Variants in KCND2 observed in about 807,000 individuals in gnomAD.
KCND2 encodes potassium voltage-gated channel subfamily D member 2.
In KCND2, 16 loss-of-function variants were observed where a neutral mutation model predicts 54.4. The ratio of observed to expected loss-of-function variants is 0.29; its 90% CI spans 0.20 to 0.45. The LOEUF (loss-of-function observed/expected upper bound fraction) is 0.45, where lower values mean the gene tolerates loss of function less well. Ranked by LOEUF, KCND2 falls within the 20% of genes least tolerant of loss-of-function variation. The pLI, the probability that KCND2 is intolerant of heterozygous loss-of-function variation, is 1.00. For missense variants in KCND2, 486 were observed against 824.2 expected (o/e 0.59, Z 5.02); for synonymous variants, 317 against 310.7 (o/e 1.02, Z -0.21).
intron 1 of KCND2, among the ~76,000 whole-genome samples, chr7:120,484,701 GCACACACACA>G (rs3067134): frequency 8.7e-5 from 12 of 137,632 alleles, no homozygotes; most frequent in East Asian, 6.2e-4. Context: ...TATATTACAC[GCACACACACA>G]CACACACACA....
At chr7:120,491,195 C>T (rs192941473) in intron 1 of KCND2, among the ~76,000 whole-genome samples, 2 of 152,164 alleles carry the variant, frequency 1.3e-5, no homozygotes. Flanking sequence ...GTATTACATA[C>T]CAAGTGTTGG....
intron 1 of KCND2, among the ~76,000 whole-genome samples, chr7:120,690,360 A>C (rs1792253740): frequency 1.3e-5 from 2 of 152,218 alleles, no homozygotes; most frequent in African/African-American, 2.4e-5. Context: ...TCTTATAAAG[A>C]AAGAAAATCC....
intron 1 of KCND2, among the ~76,000 whole-genome samples, chr7:120,619,739 G>A (rs1384614313): frequency 6.6e-6 from 1 of 152,178 alleles, no homozygotes; most frequent in African/African-American, 2.4e-5. Flanking sequence ...CAACGGAAAT[G>A]AAACAACCAG....
At chr7:120,295,127 C>T (rs1799489729) in intron 1 of KCND2, among the ~76,000 whole-genome samples, 1 of 151,522 alleles carries the variant, frequency 6.6e-6, no homozygotes, top group Admixed American at 6.6e-5. Context: ...CGTATTGATG[C>T]CAGGGAAGCA....
intron 1 of KCND2, among the ~76,000 whole-genome samples, chr7:120,548,295 ATACAGGAAGATAGTCT>A (rs1792066786): frequency 6.6e-6 from 1 of 152,124 alleles, no homozygotes. Flanking sequence ...AAGAGAAGAA[ATACAGGAAGATAGTCT>A]TATTTCTGAC....
At chr7:120,690,321 T>A (rs1792253402) in intron 1 of KCND2, among the ~76,000 whole-genome samples, 2 of 152,202 alleles carry the variant, frequency 1.3e-5, no homozygotes, top group Admixed American at 1.3e-4. Context: ...TACACAAAAA[T>A]ATAGTTCTAT....
At chr7:120,385,265 T>A (rs1800972396) in intron 1 of KCND2, among the ~76,000 whole-genome samples, 1 of 151,928 alleles carries the variant, frequency 6.6e-6, no homozygotes, top group Non-Finnish European at 1.5e-5. Context: ...AGTGCTGGGA[T>A]TACAGACATG....
chr7:120,394,857 C>T (rs111554179), intron 1 of KCND2, among the ~76,000 whole-genome samples: 145 of 151,984 alleles, frequency 9.5e-4, no homozygotes, highest in African/African-American at 3.3e-3. Context: ...CTTAAACCAC[C>T]TAAATCAAGT....
intron 1 of KCND2, among the ~76,000 whole-genome samples, chr7:120,329,120 CTTT>C (rs542875258): frequency 8.3e-5 from 11 of 132,470 alleles, no homozygotes; most frequent in Admixed American, 1.5e-4. Context: ...CTAGCTTAGT[CTTT>C]TTTTTTTTTT....
intron 1 of KCND2, among the ~76,000 whole-genome samples, chr7:120,439,963 A>G (rs1801924992): frequency 6.6e-6 from 1 of 152,102 alleles, no homozygotes; most frequent in Non-Finnish European, 1.5e-5. Context: ...TGAACATGAC[A>G]GTGCAGATAT....
intron 1 of KCND2, among the ~76,000 whole-genome samples, chr7:120,396,537 C>T (rs1434684089): frequency 6.6e-6 from 1 of 151,818 alleles, no homozygotes; most frequent in Non-Finnish European, 1.5e-5. Context: ...TTGAATTTTT[C>T]ACTGGGTTTA....
intron 1 of KCND2, among the ~76,000 whole-genome samples, chr7:120,656,462 T>C (rs1395546219): frequency 1.3e-5 from 2 of 152,182 alleles, no homozygotes; most frequent in Non-Finnish European, 2.9e-5. Flanking sequence ...AATGTCTAAA[T>C]TGGAAATGGT....
In KCND2 at chr7:120,607,156, CA is replaced by C. The variant is rs145843283; in HGVS notation, c.1116-125746del. On this transcript the variant is annotated intron_variant, in intron 1 of 5. Coordinates refer to ENST00000331113, the MANE Select transcript of KCND2 (RefSeq NM_012281.3). ...ATGAGAACAGGTAAAGTTAAAACAC[CA>C]GAAAGCTAATTTTTCTTATGCAGAT... 6.2e-3 allele frequency among the ~76,000 whole-genome samples: 931 copies of C among 150,390 alleles called. 10 individuals are homozygous for C. The highest frequency in any genetic ancestry group is 0.021 in the African/African-American group (862 of 40,938).
chr7:120,384,046 A>T (rs1022071812), intron 1 of KCND2, among the ~76,000 whole-genome samples: 1 of 152,102 alleles, frequency 6.6e-6, no homozygotes, highest in African/African-American at 2.4e-5. Context: ...CAGGTCCCTG[A>T]TATAATATGG....
In KCND2 at chr7:120,431,295, A is replaced by T. The variant is rs574039968; in HGVS notation, c.1115+155548A>T. ...TATACTAGGCTCTAGGTACACAGAA[A>T]TGAGCAAAACAAATGCAGCCCATGC... On this transcript the variant is annotated intron_variant, in intron 1 of 5. Transcript: ENST00000331113. 4.6e-5 allele frequency among the ~76,000 whole-genome samples: 7 copies of T among 152,362 alleles called. No homozygotes were observed. In the South Asian group the frequency reaches 1.4e-3, roughly 32 times the overall value.
chr7:120,672,665 T>C (rs532538146), intron 1 of KCND2, among the ~76,000 whole-genome samples: 7 of 152,218 alleles, frequency 4.6e-5, no homozygotes, highest in South Asian at 2.1e-4. Flanking sequence ...ATGAGCCAGA[T>C]CTATCAGCAG....
At chr7:120,651,417 T>G (rs150506153) in intron 1 of KCND2, among the ~76,000 whole-genome samples, 1,703 of 152,288 alleles carry the variant, frequency 0.011, 10 homozygotes, top group Non-Finnish European at 0.015. Flanking sequence ...CTCCCAGCCA[T>G]GCACGGGATA....
chr7:120,416,487 G>C (rs112517005), intron 1 of KCND2, among the ~76,000 whole-genome samples: 9 of 152,222 alleles, frequency 5.9e-5, no homozygotes, highest in East Asian at 5.8e-4. Flanking sequence ...TTACATATAT[G>C]TTTTTCATAA....
intron 1 of KCND2, among the ~76,000 whole-genome samples, chr7:120,489,140 G>A (rs73435895): frequency 0.026 from 4,016 of 151,992 alleles, 156 homozygotes; most frequent in African/African-American, 0.09. Flanking sequence ...GTTTATATTT[G>A]TGAAACTAAT....
Sources: gnomAD v4.1 joint callset for allele counts (sites outside exome capture counted in the v4.1 genomes callset) on GRCh38, gnomAD v4.1.1 for gene constraint, MANE v1.5 for transcripts, NCBI Gene and HGNC (gene_info 2026-07-23, HGNC 2026-07-21) for gene names.